FHIT: variants seen among roughly 807,000 people sequenced by gnomAD.
FHIT encodes the protein bis(5'-adenosyl)-triphosphatase.
Under a neutral mutation model 17.9 loss-of-function variants are expected in FHIT, and 19 were observed. The observed-to-expected ratio is 1.06, with a 90% CI of 0.74 to 1.56. The LOEUF is 1.56. Among genes scored for constraint, FHIT ranks in the 40% most tolerant of loss-of-function variants. The pLI is 0.00. For missense variants in FHIT, 248 were observed against 189.2 expected, an observed-to-expected ratio of 1.31 and a Z score of -1.82; for synonymous variants, 81 against 69.7, an observed-to-expected ratio of 1.16 and a Z score of -0.81.
At chr3:60,019,901 C>T (rs1349900845) in intron 5 of FHIT, among the ~76,000 whole-genome samples, 3 of 152,234 alleles carry the variant, frequency 2.0e-5, no homozygotes, top group Non-Finnish European at 4.4e-5. Flanking sequence ...AAACATTGCA[C>T]ATCTGCCACT....
chr3:59,912,209 A>C (rs896102780), intron 8 of FHIT, among the ~76,000 whole-genome samples: 3 of 152,232 alleles, frequency 2.0e-5, no homozygotes, highest in African/African-American at 7.2e-5. Context: ...GGTATCTCCA[A>C]CTAATGAAAA....
intron 5 of FHIT, among the ~76,000 whole-genome samples, chr3:60,065,770 C>A (rs953931299): frequency 6.6e-6 from 1 of 152,144 alleles, no homozygotes; most frequent in Non-Finnish European, 1.5e-5. Flanking sequence ...TGCCTGTTCC[C>A]ATCCCATGGC....
rs17339157 is a variant in FHIT at position 60,255,320 on chromosome 3, A to T, written c.104-241168T>A. On this transcript the variant is annotated intron_variant, in intron 5 of 9. Transcript: ENST00000492590. ...GGTAAAGGGATTTTCCAGGGTTTAAACATCAAACCACGCAGAAACAACTCC... is the reference window on the plus strand; with the variant it reads ...GGTAAAGGGATTTTCCAGGGTTTAATCATCAAACCACGCAGAAACAACTCC... Among the ~76,000 whole-genome samples the T allele has an allele frequency of 1.7e-4, 26 of 152,206 alleles. No homozygotes were observed. In the South Asian group the frequency reaches 5.4e-3, roughly 32 times the overall value.
At chr3:60,988,946 TAAAAA>T (rs535898632) in intron 3 of FHIT, among the ~76,000 whole-genome samples, 15 of 34,326 alleles carry the variant, frequency 4.4e-4, no homozygotes, top group African/African-American at 1.7e-3. Flanking sequence ...ATGGCTTTGT[TAAAAA>T]AAAAAAAAAA....
At chr3:61,122,112 A>G (rs2036475612) in intron 2 of FHIT, among the ~76,000 whole-genome samples, 1 of 152,210 alleles carries the variant, frequency 6.6e-6, no homozygotes, top group Non-Finnish European at 1.5e-5. Context: ...CTATACTACA[A>G]GGCTACAGTA....
intron 2 of FHIT, among the ~76,000 whole-genome samples, chr3:61,046,707 C>A (rs187033111): frequency 6.6e-6 from 1 of 152,120 alleles, no homozygotes; most frequent in East Asian, 1.9e-4. Flanking sequence ...ACTTTTAGAC[C>A]AATACCCCTG....
At chr3:60,179,596 A>C (rs1396661822) in intron 5 of FHIT, among the ~76,000 whole-genome samples, 1 of 152,150 alleles carries the variant, frequency 6.6e-6, no homozygotes, top group Non-Finnish European at 1.5e-5. Context: ...CTTTCTGCCA[A>C]GACAGGAAAA....
At chr3:60,153,300 C>T (rs1184361829) in intron 5 of FHIT, among the ~76,000 whole-genome samples, 5 of 145,152 alleles carry the variant, frequency 3.4e-5, no homozygotes, top group South Asian at 4.4e-4. Flanking sequence ...GTTCTTTCTA[C>T]GATGGCATAG....
chr3:60,610,142 C>T (rs2107730213), intron 4 of FHIT, among the ~76,000 whole-genome samples: 1 of 152,168 alleles, frequency 6.6e-6, no homozygotes, highest in Admixed American at 6.5e-5. Flanking sequence ...ACTTCCACTC[C>T]CCTCCTAATT....
intron 8 of FHIT, among the ~76,000 whole-genome samples, chr3:59,853,418 A>G (rs914588581): frequency 9.2e-5 from 14 of 152,216 alleles, no homozygotes; most frequent in African/African-American, 2.9e-4. Context: ...ATTGAGGTAC[A>G]TCTTGTTTTC....
intron 5 of FHIT, among the ~76,000 whole-genome samples, chr3:60,383,090 T>C (rs1163644339): frequency 6.6e-6 from 1 of 152,214 alleles, no homozygotes; most frequent in Non-Finnish European, 1.5e-5. Context: ...CCATCTGAGT[T>C]ACATTACTAA....
At chr3:60,444,529 G>A (rs1222153290) in intron 5 of FHIT, among the ~76,000 whole-genome samples, 1 of 152,134 alleles carries the variant, frequency 6.6e-6, no homozygotes, top group Non-Finnish European at 1.5e-5. Flanking sequence ...AAAATGATGA[G>A]TTCATGTCCT....
intron 5 of FHIT, among the ~76,000 whole-genome samples, chr3:60,270,344 C>T (rs1466519386): frequency 6.6e-6 from 1 of 152,168 alleles, no homozygotes; most frequent in Non-Finnish European, 1.5e-5. Flanking sequence ...CATACAATCC[C>T]TATTTTGGTT....
intron 5 of FHIT, among the ~76,000 whole-genome samples, chr3:60,490,017 T>G (rs79213821): frequency 0.018 from 2,731 of 152,230 alleles, 36 homozygotes; most frequent in Middle Eastern, 0.031. Flanking sequence ...CAAGGCTACT[T>G]TTGACCAAAA....
intron 8 of FHIT, among the ~76,000 whole-genome samples, chr3:59,921,895 T>C (rs1225120109): frequency 6.6e-6 from 1 of 152,248 alleles, no homozygotes; most frequent in African/African-American, 2.4e-5. Context: ...TTGCTCATGA[T>C]AATTTACAGT....
chr3:60,648,849 C>G (rs2039925250), intron 4 of FHIT, among the ~76,000 whole-genome samples: 1 of 152,158 alleles, frequency 6.6e-6, no homozygotes, highest in African/African-American at 2.4e-5. Flanking sequence ...TGTTGACCCT[C>G]TCTTCAATTG....
At chr3:60,607,661 A>C (rs9846375) in intron 4 of FHIT, among the ~76,000 whole-genome samples, 2,255 of 152,126 alleles carry the variant, frequency 0.015, 62 homozygotes, top group African/African-American at 0.05. Context: ...AACAATTCCA[A>C]GTCATTTCTC....
intron 7 of FHIT, among the ~76,000 whole-genome samples, chr3:59,975,407 A>C (rs1055786205): frequency 6.6e-6 from 1 of 152,148 alleles, no homozygotes; most frequent in South Asian, 2.1e-4. Context: ...TATGAAATGT[A>C]ATGAGATTAT....
At chr3:60,496,973 A>C (rs1419841746) in intron 5 of FHIT, among the ~76,000 whole-genome samples, 1 of 112,304 alleles carries the variant, frequency 8.9e-6, no homozygotes, top group East Asian at 3.0e-4. Flanking sequence ...AACAAAAAAC[A>C]AAAAAAAACA....
Sources: allele counts gnomAD v4.1 joint callset (sites outside exome capture counted in the v4.1 genomes callset), GRCh38; gene constraint gnomAD v4.1.1; transcripts MANE v1.5; gene names NCBI Gene and HGNC (gene_info 2026-07-23, HGNC 2026-07-21).